Variants in SCAMP2 observed in about 807,000 individuals in gnomAD.
SCAMP2 encodes secretory carrier-associated membrane protein 2.
SCAMP2 carries 25 observed loss-of-function variants against 44.1 expected under a neutral mutation model. That is an observed-to-expected ratio of 0.57 (90% CI 0.41 to 0.79). The LOEUF is 0.79. Ranked by LOEUF, SCAMP2 falls within the 30% of genes least tolerant of loss-of-function variation. SCAMP2 has a pLI of 0.00. For synonymous variants in SCAMP2, 156 were observed against 166.0 expected, an observed-to-expected ratio of 0.94 and a Z score of 0.46; for missense variants, 355 against 411.0, an observed-to-expected ratio of 0.86 and a Z score of 1.18.
At chr15:74,857,590 A>G (rs2064475884) in intron 1 of SCAMP2, among the ~76,000 whole-genome samples, 1 of 152,156 alleles carries the variant, frequency 6.6e-6, no homozygotes, top group South Asian at 2.1e-4. Flanking sequence ...ACATCTGGCC[A>G]AGGTGCACAT....
intron 1 of SCAMP2, among the ~76,000 whole-genome samples, chr15:74,861,390 C>T (rs1430227692): frequency 2.0e-5 from 3 of 152,038 alleles, no homozygotes; most frequent in Non-Finnish European, 2.9e-5. Flanking sequence ...GCTCTCTGAC[C>T]TGATACCTGA....
At chr15:74,845,640 C>G (rs1295665270) in intron 7 of SCAMP2, 47 bp from the exon 8 acceptor site, 1 of 1,609,734 alleles carries the variant, frequency 6.2e-7, no homozygotes, top group South Asian at 1.1e-5. Flanking sequence ...GGAGTGGGCT[C>G]CAAAAGTCAG....
At chr15:74,849,606 T>C (rs976730064) in intron 6 of SCAMP2, among the ~76,000 whole-genome samples, 8 of 151,968 alleles carry the variant, frequency 5.3e-5, no homozygotes, top group African/African-American at 1.9e-4. Context: ...TAGCCAGGTG[T>C]GATTGTGTGT....
intron 8 of SCAMP2, 47 bp from the exon 9 acceptor site, chr15:74,845,264 C>T (rs371228428): frequency 6.2e-7 from 1 of 1,601,124 alleles, no homozygotes. Flanking sequence ...TTGGGCCCAC[C>T]AGGAAGCCAG....
chr15:74,847,007 A>G (rs1469951452), intron 7 of SCAMP2, among the ~76,000 whole-genome samples: 1 of 152,158 alleles, frequency 6.6e-6, no homozygotes, highest in Non-Finnish European at 1.5e-5. Flanking sequence ...GACTGGCATA[A>G]ACATAGACAT....
At chr15:74,858,125 C>CT (rs1458887779) in intron 1 of SCAMP2, among the ~76,000 whole-genome samples, 4 of 152,122 alleles carry the variant, frequency 2.6e-5, no homozygotes, top group African/African-American at 9.7e-5. Context: ...AAGCTGAGCC[C>CT]TGGCAAGAAA....
rs771165544 is a variant in SCAMP2, at chr15:74,848,666, A to C, written c.668T>G (p.Phe223Cys). The C allele has an allele frequency of 6.2e-7, 1 of 1,613,844 alleles. No homozygotes were observed. The highest frequency in any genetic ancestry group is 8.5e-7 in the Non-Finnish European group (1 of 1,179,776). The stretch of plus-strand genomic sequence containing the variant: ...GATCCCTATTTGACAAAAAAATACA[A>C]AGAAGAACACAAAGAAGCTGAAAGA... ...DNSFSFFVFFFVFFCQIGIYI... is the reference protein window; with the variant it reads ...DNSFSFFVFFCVFFCQIGIYI... The change falls in exon 7 of 9, where the codon TTT (phenylalanine) becomes TGT (cysteine). Residue 223 changes from phenylalanine (F) to cysteine (C), a missense_variant. Physicochemically the swap from Phe to Cys is radical, Grantham distance 205. Coordinates refer to ENST00000268099, the MANE Select transcript of SCAMP2 (RefSeq NM_005697.5).
At chr15:74,851,266 A>G (rs779532054) in intron 5 of SCAMP2, 87 bp downstream of exon 5, 59 of 1,470,942 alleles carry the variant, frequency 4.0e-5, no homozygotes, top group Non-Finnish European at 5.0e-5. Context: ...AAGCCTGTAT[A>G]CCAGGGAGGA....
At chr15:74,868,508 C>A (rs146613486) in intron 1 of SCAMP2, among the ~76,000 whole-genome samples, 142 of 152,252 alleles carry the variant, frequency 9.3e-4, no homozygotes, top group African/African-American at 3.4e-3. Flanking sequence ...TTTCTCAGAG[C>A]CTTTAACAAA....
intron 1 of SCAMP2, among the ~76,000 whole-genome samples, chr15:74,858,938 A>G (rs1025397191): frequency 6.7e-6 from 1 of 148,720 alleles, no homozygotes; most frequent in South Asian, 2.1e-4. Flanking sequence ...CCTCCCCAGT[A>G]GCTGGGACTA....
At chr15:74,868,328 T>C (rs2064555610) in intron 1 of SCAMP2, among the ~76,000 whole-genome samples, 2 of 152,148 alleles carry the variant, frequency 1.3e-5, no homozygotes. Flanking sequence ...ATGCCCACAG[T>C]GCGGGGTGGA....
chr15:74,859,148 A>G (rs2064486580), intron 1 of SCAMP2, among the ~76,000 whole-genome samples: 1 of 152,056 alleles, frequency 6.6e-6, no homozygotes, highest in Admixed American at 6.6e-5. Context: ...GGTGAGGGCT[A>G]AGTTTCACCT....
At chr15:74,845,304 C>A (rs930625988) in intron 8 of SCAMP2, 87 bp from the exon 9 acceptor site, 20 of 1,585,976 alleles carry the variant, frequency 1.3e-5, no homozygotes, top group Non-Finnish European at 1.6e-5. Context: ...AAAGGGGTCA[C>A]CAGAAGCCTG....
At chr15:74,847,589 C>T (rs1190006160) in intron 7 of SCAMP2, among the ~76,000 whole-genome samples, 2 of 152,180 alleles carry the variant, frequency 1.3e-5, no homozygotes, top group Non-Finnish European at 2.9e-5. Flanking sequence ...CAAGGGGAGG[C>T]AACCTTTCTC....
At chr15:74,868,872 C>T (rs886483877) in intron 1 of SCAMP2, among the ~76,000 whole-genome samples, 1 of 152,154 alleles carries the variant, frequency 6.6e-6, no homozygotes, top group African/African-American at 2.4e-5. Context: ...AAAAAACAAA[C>T]AGGCTGGGCA....
intron 1 of SCAMP2, among the ~76,000 whole-genome samples, chr15:74,870,372 T>G (rs1432938158): frequency 6.6e-6 from 1 of 152,210 alleles, no homozygotes. Context: ...GACAACTGAC[T>G]TCCTCTCTGT....
rs190738408 is a variant in SCAMP2 at position 74,864,787 on chromosome 15, G to A, written c.57+8412C>T. 2.8e-3 allele frequency among the ~76,000 whole-genome samples: 429 copies of A among 152,190 alleles called. 4 individuals carry two copies. Among genetic ancestry groups the A allele is most frequent in the African/African-American group, 9.9e-3 (412 of 41,528 alleles). ...AAAGACTACAGGGCAGGAAAGGGAA[G>A]GGAAAGAATAGAGTTGAGGCCAGGC... On this transcript the variant is annotated intron_variant, in intron 1 of 8. Transcript: ENST00000268099.
chr15:74,873,188 A>G lies in SCAMP2; in HGVS notation c.57+11T>C. The G allele has an allele frequency of 1.4e-6, 2 of 1,432,648 alleles. No individual in the cohort carries two copies. The highest frequency in any genetic ancestry group is 1.8e-6 in the Non-Finnish European group (2 of 1,096,690). The allele number at this position is 1,432,648 out of a possible 1,614,324, so 88.7% of individuals were successfully genotyped here. On this transcript the variant is annotated intron_variant, in intron 1 of 8. Transcript: ENST00000268099. ...AAATCTGAGAGCTGGATGGCGGGAG[A>G]GGGGCTCTACCTGGAAGGGGTTTAC...
chr15:74,862,683 T>G (rs2064514935), intron 1 of SCAMP2, among the ~76,000 whole-genome samples: 2 of 149,790 alleles, frequency 1.3e-5, no homozygotes, highest in South Asian at 4.2e-4. Context: ...TATTTTGATT[T>G]TAAAAACACA....
Sources: gnomAD v4.1 joint callset for allele counts (sites outside exome capture counted in the v4.1 genomes callset) on GRCh38, gnomAD v4.1.1 for gene constraint, MANE v1.5 for transcripts, NCBI Gene and HGNC (gene_info 2026-07-23, HGNC 2026-07-21) for gene names.